Variants in BRD1 observed in about 807,000 individuals in gnomAD.
BRD1 encodes bromodomain-containing protein 1.
BRD1 carries 24 observed loss-of-function variants against 107.7 expected under a neutral mutation model. The observed-to-expected ratio is 0.22, with a 90% CI of 0.16 to 0.31. BRD1 has a LOEUF of 0.31. BRD1 is among the 10% of genes least tolerant of loss of function. The pLI is 1.00. For synonymous variants in BRD1, 744 were observed against 686.1 expected, an observed-to-expected ratio of 1.08 and a Z score of -1.32; for missense variants, 1,279 against 1,638.6, an observed-to-expected ratio of 0.78 and a Z score of 3.79.
At chr22:49,810,053 G>A (rs772778363) in intron 2 of BRD1, among the ~76,000 whole-genome samples, 3 of 152,128 alleles carry the variant, frequency 2.0e-5, no homozygotes, top group African/African-American at 7.2e-5. Flanking sequence ...GAATGAATGC[G>A]TACCATGCAG....
chr22:49,786,830 G>A (rs1220570441), intron 8 of BRD1, among the ~76,000 whole-genome samples: 3 of 152,130 alleles, frequency 2.0e-5, no homozygotes, highest in African/African-American at 4.8e-5. Flanking sequence ...ATCAGAAGGG[G>A]CCAGGTGCAG....
chr22:49,776,077 G>A lies in BRD1; in HGVS notation c.3204C>T (p.Cys1068=), dbSNP rs1292807990. 8 of 1,592,674 alleles carry A rather than the reference G, an allele frequency of 5.0e-6. No individual in the cohort carries two copies. Among genetic ancestry groups the A allele is most frequent in the Non-Finnish European group, 6.8e-6 (8 of 1,175,136 alleles). Reference sequence around the variant, plus strand: ...GTGCCGGGTAGGAGGGGTAGCCGCTGCACTTGGCCCACACCACCTTCAGAG... The same window carrying A: ...GTGCCGGGTAGGAGGGGTAGCCGCTACACTTGGCCCACACCACCTTCAGAG... ...LEPLKVVWAK[C]SGYPSYPALI... is the part of the protein sequence containing the mutation. The change falls in exon 11 of 13, where the codon TGC becomes TGT. Residue 1068 remains cysteine (C), a synonymous_variant. Transcript: ENST00000404760.
At chr22:49,778,579 A>G (rs952201608) in intron 8 of BRD1, among the ~76,000 whole-genome samples, 2 of 152,226 alleles carry the variant, frequency 1.3e-5, no homozygotes, top group African/African-American at 4.8e-5. Context: ...AGGCCCCCCG[A>G]TGAGGTCCCC....
At chr22:49,788,574 A>G (rs978661318) in intron 7 of BRD1, among the ~76,000 whole-genome samples, 1 of 152,222 alleles carries the variant, frequency 6.6e-6, no homozygotes, top group Non-Finnish European at 1.5e-5. Flanking sequence ...AGTCTTTTTG[A>G]CATTATAAAA....
chr22:49,800,005 G>A (rs1441592938), intron 3 of BRD1, among the ~76,000 whole-genome samples: 1 of 152,170 alleles, frequency 6.6e-6, no homozygotes, highest in Non-Finnish European at 1.5e-5. Context: ...CTCCACAGCT[G>A]CAGGACACGC....
intron 2 of BRD1, among the ~76,000 whole-genome samples, chr22:49,812,586 G>A (rs1255600154): frequency 2.6e-5 from 4 of 152,148 alleles, no homozygotes; most frequent in Non-Finnish European, 4.4e-5. Context: ...AGTAAAAGTA[G>A]TCTTACATGG....
chr22:49,783,509 G>A lies in BRD1; in HGVS notation c.2857+3881C>T, dbSNP rs1227025506. ...CAGCACAACGCGCCTGGGCATGGCC[G>A]TCACACCCAAACCACCAGTCACTAT... On this transcript the variant is annotated intron_variant, in intron 8 of 12. Transcript: ENST00000404760. The surrounding 1 kb of genome is among the most constrained non-coding windows in gnomAD (Gnocchi z 4.2). 6.6e-6 allele frequency among the ~76,000 whole-genome samples: 1 copy of A among 152,226 alleles called. No homozygotes were observed. Among genetic ancestry groups the A allele is most frequent in the Non-Finnish European group, 1.5e-5 (1 of 68,030 alleles).
chr22:49,782,521 A>G (rs1222399549), intron 8 of BRD1, among the ~76,000 whole-genome samples: 1 of 139,464 alleles, frequency 7.2e-6, no homozygotes, highest in Non-Finnish European at 1.5e-5. Context: ...GCTCCATGAC[A>G]ATGCAGCTGG....
At chr22:49,796,997 C>T (rs746592339) in intron 6 of BRD1, among the ~76,000 whole-genome samples, 2 of 152,226 alleles carry the variant, frequency 1.3e-5, no homozygotes, top group Admixed American at 6.5e-5. Flanking sequence ...GCCAAACACA[C>T]CGTGATTTCT....
chr22:49,804,147 C>T, intron 3 of BRD1, 57 bp downstream of exon 3: 1 of 1,479,206 alleles, frequency 6.8e-7, no homozygotes, highest in Non-Finnish European at 9.0e-7. Context: ...GGTGCCCTCT[C>T]CCTGGAGGGT....
chr22:49,798,161 G>A (rs747187377), intron 5 of BRD1, 44 bp from the exon 6 acceptor site: 7 of 1,493,520 alleles, frequency 4.7e-6, no homozygotes, highest in Non-Finnish European at 3.7e-6. Context: ...ACTAAAACAG[G>A]ATATTAGTTG....
chr22:49,794,408 G>C, intron 6 of BRD1, 114 bp from the exon 7 acceptor site: 1 of 1,388,138 alleles, frequency 7.2e-7, no homozygotes, highest in Non-Finnish European at 9.7e-7. Flanking sequence ...GTGGCTGTTA[G>C]CAACGAGGCC....
intron 6 of BRD1, among the ~76,000 whole-genome samples, chr22:49,794,595 C>A (rs2059496058): frequency 6.6e-6 from 1 of 152,232 alleles, no homozygotes; most frequent in Non-Finnish European, 1.5e-5. Flanking sequence ...CCCACTGAGG[C>A]TGCCTGTGCA....
chr22:49,821,604 CTTCT>C (rs368430718), intron 2 of BRD1, among the ~76,000 whole-genome samples: 8,516 of 132,114 alleles, frequency 0.064, 289 homozygotes, highest in South Asian at 0.097. Flanking sequence ...TCACTTAAAA[CTTCT>C]TTTTTTTTTT....
rs867615983 is a variant in BRD1, at chr22:49,787,703, G to A, written c.2544C>T (p.Ser848=). The A allele has an allele frequency of 2.6e-6, 4 of 1,550,760 alleles. No individual in the cohort carries two copies. Among genetic ancestry groups the A allele is most frequent in the Middle Eastern group, 1.7e-4 (1 of 5,992 alleles). The part of the protein sequence containing the change: ...HSACTQSALV[S]GRPPEPTRAS... ...CGCGGGTGGGCTCTGGAGGGCGTCCGCTTACCAGTGCGCTCTGAGTGCAAG... is the reference window on the plus strand; with the variant it reads ...CGCGGGTGGGCTCTGGAGGGCGTCCACTTACCAGTGCGCTCTGAGTGCAAG... Residue 848 remains serine (S), a synonymous_variant, in exon 8 of 13, where the codon AGC becomes AGT. Transcript: ENST00000404760.
Position 49,795,803 on chromosome 22 carries a change from G to C in BRD1, c.2099-1509C>G, listed in dbSNP as rs868191646. Among the ~76,000 whole-genome samples, 5 of 152,342 alleles carry C rather than the reference G, an allele frequency of 3.3e-5. No individual in the cohort carries two copies. In the Middle Eastern group the frequency reaches 0.014, roughly 415 times the overall value. Reference sequence around the variant, plus strand: ...TTTCCCACGGTCACCAGAGGCTAGAGAAGGACCTTCCAGGACAAGCATGAG... The same window carrying C: ...TTTCCCACGGTCACCAGAGGCTAGACAAGGACCTTCCAGGACAAGCATGAG... On this transcript the variant is annotated intron_variant, in intron 6 of 12. Transcript: ENST00000404760.
At chr22:49,804,868 A>G (rs2059710417) in intron 2 of BRD1, among the ~76,000 whole-genome samples, 1 of 152,230 alleles carries the variant, frequency 6.6e-6, no homozygotes, top group Non-Finnish European at 1.5e-5. Flanking sequence ...AAATTAAAAA[A>G]AAAAGATTTC....
chr22:49,800,291 C>T (rs1376950522), intron 3 of BRD1, among the ~76,000 whole-genome samples: 5 of 152,172 alleles, frequency 3.3e-5, no homozygotes, highest in Non-Finnish European at 7.3e-5. Flanking sequence ...CTCTCCATGG[C>T]GAGGCAGAGC....
intron 3 of BRD1, among the ~76,000 whole-genome samples, chr22:49,802,701 C>T (rs1186354065): frequency 6.6e-6 from 1 of 151,950 alleles, no homozygotes; most frequent in Non-Finnish European, 1.5e-5. Context: ...TCGCGGGGGC[C>T]GAGACCAATG....
Sources: allele counts gnomAD v4.1 joint callset (sites outside exome capture counted in the v4.1 genomes callset), GRCh38; gene constraint gnomAD v4.1.1; non-coding constraint Gnocchi (gnomAD v3.1); transcripts MANE v1.5; gene names NCBI Gene and HGNC (gene_info 2026-07-23, HGNC 2026-07-21).